KIF3C: variants seen among roughly 807,000 people sequenced by gnomAD.
The protein encoded by KIF3C is kinesin-like protein KIF3C.
Under a neutral mutation model 67.7 loss-of-function variants are expected in KIF3C, and 12 were observed. The ratio of observed to expected loss-of-function variants is 0.18; its 90% CI spans 0.11 to 0.29. The LOEUF (loss-of-function observed/expected upper bound fraction) is 0.29. Ranked by LOEUF, KIF3C falls within the 10% of genes least tolerant of loss-of-function variation. KIF3C has a pLI of 1.00. For missense variants in KIF3C, 789 were observed against 1,059.6 expected (o/e 0.74, Z 3.55); for synonymous variants, 393 against 426.2 (o/e 0.92, Z 0.96).
intron 5 of KIF3C, among the ~76,000 whole-genome samples, chr2:25,950,383 A>C (rs1427312010): frequency 1.3e-5 from 2 of 150,562 alleles, no homozygotes; most frequent in African/African-American, 2.4e-5. Context: ...ACGCCCAGCT[A>C]ATTTTTTTTT....
At position 25,980,975 on chromosome 2, in the gene KIF3C, T is replaced by C; in HGVS notation, c.943A>G (p.Ile315Val). The change falls in exon 1 of 8, where the codon ATT becomes GTT. Residue 315 changes from isoleucine (I) to valine (V), a missense_variant. By Grantham distance (29) the Ile-to-Val change is conservative. Transcript: ENST00000264712. This position sits in a 1 kb window ranked among gnomAD's most constrained non-coding sequence, Gnocchi z 7.6. ...AALAGNRSTH[I>V]PYRDSKLTRL... ...GTCAGCTTGGAGTCCCGGTAGGGAA[T>C]GTGGGTGCTCCTGTTGCCCGCCAGG... is the stretch of plus-strand genomic sequence containing the variant. The C allele has an allele frequency of 6.2e-7, 1 of 1,614,136 alleles. No individual in the cohort carries two copies. Among genetic ancestry groups the C allele is most frequent in the Non-Finnish European group, 8.5e-7 (1 of 1,180,004 alleles).
chr2:25,934,012 A>G (rs1179833155), intron 5 of KIF3C: 2 of 371,584 alleles, frequency 5.4e-6, no homozygotes, highest in Non-Finnish European at 1.1e-5. Context: ...TGGTATATTC[A>G]TAGAGTGGAA....
intron 1 of KIF3C, 127 bp from the exon 2 acceptor site, chr2:25,956,571 C>A: frequency 1.5e-6 from 1 of 684,894 alleles, no homozygotes; most frequent in Non-Finnish European, 2.6e-6. Context: ...CCAGATGGGG[C>A]CTTGTGGCTT....
In KIF3C at chr2:25,980,631, G is replaced by C; in HGVS notation, c.1287C>G (p.Ala429=). ...PGYPEGPVIE[A]WVAEEEDDNN... ...TGTCATCCTCCTCTTCTGCCACCCA[G>C]GCCTCAATCACTGGGCCCTCAGGGT... Residue 429 remains alanine, a synonymous_variant, in exon 1 of 8, where the codon GCC becomes GCG. Transcript: ENST00000264712. This position sits in a 1 kb window ranked among gnomAD's most constrained non-coding sequence, Gnocchi z 7.6. 6.2e-7 allele frequency: 1 copy of C among 1,614,042 alleles called. No homozygotes were observed. The highest frequency in any genetic ancestry group is 1.1e-5 in the South Asian group (1 of 91,084).
At chr2:25,948,608 AAGAG>A (rs1332352308) in intron 5 of KIF3C, among the ~76,000 whole-genome samples, 3 of 150,062 alleles carry the variant, frequency 2.0e-5, no homozygotes, top group Non-Finnish European at 3.0e-5. Context: ...GAAAGAAAGA[AAGAG>A]AAAGAGAAAG....
At chr2:25,952,073 C>G (rs1663630752) in intron 4 of KIF3C, among the ~76,000 whole-genome samples, 168 bp from the exon 5 acceptor site, 1 of 152,106 alleles carries the variant, frequency 6.6e-6, no homozygotes, top group South Asian at 2.1e-4. Context: ...GGGCGGATCA[C>G]GAGGTCAGGA....
intron 5 of KIF3C, among the ~76,000 whole-genome samples, chr2:25,949,132 G>A (rs1663525382): frequency 6.6e-6 from 1 of 152,130 alleles, no homozygotes; most frequent in South Asian, 2.1e-4. Context: ...TCATTTTTCG[G>A]AAGTACAGGT....
chr2:25,955,376 C>T lies in KIF3C; in HGVS notation c.1770+165G>A, dbSNP rs1663779450. ...AAAAGGCTCTACTCCACCCCCAGCC[C>T]CCGCCTCCTGCCTCCCCCTGTTGCT... On this transcript the variant is annotated intron_variant, in intron 3 of 7. Coordinates refer to ENST00000264712, the MANE Select transcript of KIF3C (RefSeq NM_002254.8). This position sits in a 1 kb window ranked among gnomAD's most constrained non-coding sequence, Gnocchi z 5.0. 6.6e-6 allele frequency among the ~76,000 whole-genome samples: 1 copy of T among 152,142 alleles called. No homozygotes were observed.
Position 25,945,186 on chromosome 2 carries a change from T to TGAA in KIF3C, c.2006+6602_2006+6603insTTC, listed in dbSNP as rs1485542749. On this transcript the variant is annotated intron_variant, in intron 5 of 7. Coordinates refer to ENST00000264712, the MANE Select transcript of KIF3C (RefSeq NM_002254.8). ...TCCAATTGGTATTCATTTAGAAGAG[T>TGAA]TGCCAACACAAACTTACAAATGCAA... 2.0e-5 allele frequency among the ~76,000 whole-genome samples: 3 copies of TGAA among 151,578 alleles called. No individual in the cohort carries two copies. In the East Asian group the frequency reaches 5.8e-4, roughly 29 times the overall value.
At chr2:25,945,659 G>A (rs1447679401) in intron 5 of KIF3C, among the ~76,000 whole-genome samples, 1 of 151,778 alleles carries the variant, frequency 6.6e-6, no homozygotes, top group Non-Finnish European at 1.5e-5. Context: ...AAGCTGAGGT[G>A]GGAGGATTAG....
At chr2:25,957,926 C>T (rs894998342) in intron 1 of KIF3C, among the ~76,000 whole-genome samples, 6 of 152,194 alleles carry the variant, frequency 3.9e-5, no homozygotes, top group African/African-American at 1.2e-4. Context: ...TTAATGATCT[C>T]CCCTCTTACC....
At chr2:25,962,930 TACATATAATATATA>T (rs1664011977) in intron 1 of KIF3C, among the ~76,000 whole-genome samples, 2 of 41,668 alleles carry the variant, frequency 4.8e-5, no homozygotes, top group Non-Finnish European at 6.7e-5. Context: ...TAATATATAA[TACATATAATATATA>T]ATATATAATA....
intron 1 of KIF3C, among the ~76,000 whole-genome samples, chr2:25,961,566 G>A (rs1318408432): frequency 6.6e-6 from 1 of 152,118 alleles, no homozygotes; most frequent in South Asian, 2.1e-4. Context: ...CCTAAAAAGG[G>A]GAGGAGGAGG....
In KIF3C at chr2:25,926,886, A is replaced by G. The variant is rs986155012; in HGVS notation, c.*2092T>C. 4.6e-5 allele frequency: 7 copies of G among 152,210 alleles called. No individual in the cohort carries two copies. The highest frequency in any genetic ancestry group is 1.7e-4 in the African/African-American group (7 of 41,452). 9.4% of individuals were successfully genotyped at this position (152,210 alleles called of 1,614,324 possible). On this transcript the variant is annotated 3_prime_UTR_variant, in exon 8 of 8. Transcript: ENST00000264712. ...GAATTTGGTCCTAATCAAGGCCCTT[A>G]CTTTGTCAATCAAATATTTGATACA...
chr2:25,931,912 A>ACATT (rs1432758432), intron 5 of KIF3C, among the ~76,000 whole-genome samples: 2 of 139,074 alleles, frequency 1.4e-5, no homozygotes, highest in African/African-American at 5.3e-5. Context: ...GGGATTACAG[A>ACATT]CGTGAATCAC....
At chr2:25,947,547 C>G (rs1285613116) in intron 5 of KIF3C, among the ~76,000 whole-genome samples, 1 of 151,570 alleles carries the variant, frequency 6.6e-6, no homozygotes, top group Non-Finnish European at 1.5e-5. Flanking sequence ...CGCCACTGCA[C>G]TCCAGCCTGG....
chr2:25,951,729 G>C lies in KIF3C; in HGVS notation c.2006+60C>G, dbSNP rs919820009. On this transcript the variant is annotated intron_variant, in intron 5 of 7. Transcript: ENST00000264712. ...AGGCAAGGCCTCAGGCCCCTCACCA[G>C]CCCCGACCTGGAGTGGACCCACAAG... The C allele has an allele frequency of 1.5e-5, 17 of 1,164,732 alleles. No homozygotes were observed. The African/African-American group carries it at 2.4e-4, about 17-fold the overall frequency. 72.1% of individuals were successfully genotyped at this position (1,164,732 alleles called of 1,614,324 possible).
chr2:25,956,834 C>T (rs190214462), intron 1 of KIF3C, among the ~76,000 whole-genome samples: 1 of 152,260 alleles, frequency 6.6e-6, no homozygotes, highest in Non-Finnish European at 1.5e-5. Flanking sequence ...CACCAGGTAG[C>T]CCAGCCTTTA....
At chr2:25,974,872 T>A (rs1414890512) in intron 1 of KIF3C, among the ~76,000 whole-genome samples, 2 of 151,594 alleles carry the variant, frequency 1.3e-5, no homozygotes, top group East Asian at 3.9e-4. Flanking sequence ...ACTAAAAATA[T>A]AAAATTAGCT....
Sources: allele counts gnomAD v4.1 joint callset (sites outside exome capture counted in the v4.1 genomes callset), GRCh38; gene constraint gnomAD v4.1.1; non-coding constraint Gnocchi (gnomAD v3.1); transcripts MANE v1.5; gene names NCBI Gene and HGNC (gene_info 2026-07-23, HGNC 2026-07-21).